The following SIPA1L1 variants were observed in gnomAD, a reference collection of about 807,000 sequenced individuals.
The protein encoded by SIPA1L1 is signal induced proliferation associated 1 like 1.
A neutral mutation model predicts 162.7 loss-of-function variants in SIPA1L1; 26 were observed. That is an observed-to-expected ratio of 0.16 (90% confidence interval 0.12 to 0.22). The LOEUF (loss-of-function observed/expected upper bound fraction) is 0.22. Among genes scored for constraint, SIPA1L1 ranks in the 10% least tolerant of loss-of-function variants. The probability of loss-of-function intolerance (pLI) is 1.00; values close to 1 mark genes in which losing one functional copy is unlikely to be tolerated. For missense variants in SIPA1L1, 1,874 were observed against 2,241.0 expected (o/e 0.84, Z 3.31); for synonymous variants, 829 against 837.4 (o/e 0.99, Z 0.17).
At chr14:71,692,112 C>G (rs538594120) in intron 13 of SIPA1L1, among the ~76,000 whole-genome samples, 1 of 152,112 alleles carries the variant, frequency 6.6e-6, no homozygotes, top group South Asian at 2.1e-4. Context: ...TGGTAATGAC[C>G]CTTTAATAAC....
chr14:71,585,395 G>A (rs1486082795), intron 4 of SIPA1L1, among the ~76,000 whole-genome samples: 1 of 152,048 alleles, frequency 6.6e-6, no homozygotes, highest in African/African-American at 2.4e-5. Context: ...TTTTGAATTG[G>A]TAAGAAATTT....
chr14:71,429,959 G>A (rs867572345), intron 2 of SIPA1L1, among the ~76,000 whole-genome samples: 6 of 152,338 alleles, frequency 3.9e-5, no homozygotes, highest in Non-Finnish European at 7.4e-5. Flanking sequence ...TTATGTAAAA[G>A]TAACACCTTG....
chr14:71,413,232 G>C (rs181758835), intron 2 of SIPA1L1, among the ~76,000 whole-genome samples: 14 of 152,320 alleles, frequency 9.2e-5, no homozygotes, highest in Admixed American at 9.2e-4. Context: ...GCTCCCTGTA[G>C]AGAACTAGTA....
chr14:71,612,128 A>G (rs1445550040), intron 5 of SIPA1L1, among the ~76,000 whole-genome samples: 1 of 152,214 alleles, frequency 6.6e-6, no homozygotes, highest in East Asian at 1.9e-4. Context: ...TCCCCATTAT[A>G]CATTGACTTA....
intron 4 of SIPA1L1, among the ~76,000 whole-genome samples, chr14:71,563,242 T>TA (rs2056932152): frequency 6.6e-6 from 1 of 152,200 alleles, no homozygotes; most frequent in African/African-American, 2.4e-5. Flanking sequence ...TTAGTACAAA[T>TA]ACTTCTTTTA....
chr14:71,522,484 A>G (rs909758836), intron 3 of SIPA1L1, among the ~76,000 whole-genome samples: 1 of 152,152 alleles, frequency 6.6e-6, no homozygotes, highest in Non-Finnish European at 1.5e-5. Flanking sequence ...TATTTGTAGT[A>G]TACTTTCTAG....
chr14:71,659,124 T>G (rs1265448543), intron 9 of SIPA1L1, among the ~76,000 whole-genome samples: 3 of 152,214 alleles, frequency 2.0e-5, no homozygotes, highest in Non-Finnish European at 4.4e-5. Flanking sequence ...TTAAAATATT[T>G]TAAAATAAAT....
intron 2 of SIPA1L1, among the ~76,000 whole-genome samples, chr14:71,394,936 TA>T (rs1478843814): frequency 1.3e-5 from 2 of 152,216 alleles, no homozygotes; most frequent in Admixed American, 6.5e-5. Flanking sequence ...AATTAATGGA[TA>T]AAAAATTTGG....
chr14:71,546,825 T>G (rs1200543104), intron 4 of SIPA1L1, among the ~76,000 whole-genome samples: 1 of 152,148 alleles, frequency 6.6e-6, no homozygotes, highest in African/African-American at 2.4e-5. Flanking sequence ...TTGGACCTCT[T>G]TGGAAGGAAT....
chr14:71,525,671 A>G (rs1054912559), intron 3 of SIPA1L1, among the ~76,000 whole-genome samples: 1 of 152,210 alleles, frequency 6.6e-6, no homozygotes, highest in Non-Finnish European at 1.5e-5. Flanking sequence ...CTTCCTGTCT[A>G]TTTAATCTGT....
intron 2 of SIPA1L1, among the ~76,000 whole-genome samples, chr14:71,435,538 A>T (rs566083525): frequency 6.6e-6 from 1 of 152,096 alleles, no homozygotes; most frequent in Non-Finnish European, 1.5e-5. Flanking sequence ...GTATTCCATG[A>T]TGTATATGTG....
At chr14:71,492,275 G>C (rs980384624) in intron 2 of SIPA1L1, among the ~76,000 whole-genome samples, 1 of 152,152 alleles carries the variant, frequency 6.6e-6, no homozygotes, top group African/African-American at 2.4e-5. Context: ...AGAGAATTTA[G>C]AACTGTGGTG....
chr14:71,490,501 A>T (rs1300372384), intron 2 of SIPA1L1, among the ~76,000 whole-genome samples: 1 of 152,218 alleles, frequency 6.6e-6, no homozygotes, highest in Non-Finnish European at 1.5e-5. Context: ...AGTATTTTTA[A>T]AAAAGAAAAT....
rs34549978 is a variant in SIPA1L1, at chr14:71,738,161, T to TAAAAA, written c.5124-59_5124-55dup. On this transcript the variant is annotated intron_variant, in intron 22 of 23. Transcript: ENST00000381232. ...TTTTATAAATACAGCCTCCTCAGAG[T>TAAAAA]AAAAAAAAAAAAAAAAAAAAAAAAA... is the stretch of plus-strand genomic sequence containing the variant. 526 of 368,400 alleles carry TAAAAA rather than the reference T, an allele frequency of 1.4e-3. 3 individuals carry two copies. The highest frequency in any genetic ancestry group is 2.5e-3 in the African/African-American group (66 of 26,888). 22.8% of individuals were successfully genotyped at this position (368,400 alleles called of 1,614,324 possible).
chr14:71,357,127 T>G (rs762951052), intron 2 of SIPA1L1, among the ~76,000 whole-genome samples: 1 of 152,160 alleles, frequency 6.6e-6, no homozygotes, highest in Non-Finnish European at 1.5e-5. Flanking sequence ...TGATCGTAGC[T>G]CACAGCAGTC....
In SIPA1L1 at chr14:71,727,616, C is replaced by T. The variant is rs964609964; in HGVS notation, c.4615-2439C>T. Among the ~76,000 whole-genome samples, 7 of 152,150 alleles carry T rather than the reference C, an allele frequency of 4.6e-5. No individual in the cohort carries two copies. In the East Asian group the frequency reaches 1.3e-3, roughly 29 times the overall value. ...TTGGAGCACAAGTTAGAACCAGCCC[C>T]CTTCTCGAATGTCCTCTGAAATCCC... On this transcript the variant is annotated intron_variant, in intron 19 of 23. Transcript: ENST00000381232.
At chr14:71,669,048 T>C (rs2044277978) in intron 10 of SIPA1L1, among the ~76,000 whole-genome samples, 1 of 152,218 alleles carries the variant, frequency 6.6e-6, no homozygotes, top group Non-Finnish European at 1.5e-5. Context: ...CCTTGCCAGT[T>C]TGATTTATCC....
chr14:71,670,330 G>T (rs569955189), intron 10 of SIPA1L1, among the ~76,000 whole-genome samples: 2 of 152,166 alleles, frequency 1.3e-5, no homozygotes, highest in South Asian at 4.1e-4. Flanking sequence ...GGAATATATA[G>T]TCAGAAGAAA....
At chr14:71,343,616 T>A (rs752730600) in intron 2 of SIPA1L1, among the ~76,000 whole-genome samples, 6 of 152,170 alleles carry the variant, frequency 3.9e-5, no homozygotes, top group Non-Finnish European at 7.3e-5. Context: ...ACTACTTTCA[T>A]GTTTCTTGTC....
Sources: gnomAD v4.1 joint callset for allele counts (sites outside exome capture counted in the v4.1 genomes callset) on GRCh38, gnomAD v4.1.1 for gene constraint, MANE v1.5 for transcripts, NCBI Gene and HGNC (gene_info 2026-07-23, HGNC 2026-07-21) for gene names.